Variants in TRIP12 observed in about 807,000 individuals in gnomAD.
TRIP12 encodes the protein E3 ubiquitin-protein ligase TRIP12.
TRIP12 carries 25 observed loss-of-function variants against 244.2 expected under a neutral mutation model. That is an observed-to-expected ratio of 0.10 (90% CI 0.07 to 0.14). The LOEUF is 0.14. TRIP12 is among the 10% of genes least tolerant of loss of function. The pLI is 1.00. For missense variants in TRIP12, 1,677 were observed against 2,486.4 expected, an observed-to-expected ratio of 0.67 and a Z score of 6.92; for synonymous variants, 905 against 873.1, an observed-to-expected ratio of 1.04 and a Z score of -0.64.
chr2:229,914,708 A>C (rs2075043853), intron 1 of TRIP12, among the ~76,000 whole-genome samples: 1 of 152,186 alleles, frequency 6.6e-6, no homozygotes, highest in Non-Finnish European at 1.5e-5. Flanking sequence ...GGAGTTTTGA[A>C]GTCAGGGTAG....
intron 5 of TRIP12, among the ~76,000 whole-genome samples, chr2:229,838,343 G>A (rs2055377567): frequency 6.6e-6 from 1 of 152,158 alleles, no homozygotes; most frequent in African/African-American, 2.4e-5. Context: ...TAGGGCTGCT[G>A]CCCTCAAGGA....
intron 4 of TRIP12, among the ~76,000 whole-genome samples, chr2:229,847,528 T>A (rs1392416463): frequency 2.6e-5 from 4 of 152,164 alleles, no homozygotes; most frequent in African/African-American, 7.2e-5. Flanking sequence ...TCTACAAGGA[T>A]GAGAAGAATG....
intron 8 of TRIP12, among the ~76,000 whole-genome samples, chr2:229,824,134 G>C (rs1380122914): frequency 2.0e-5 from 3 of 152,154 alleles, no homozygotes; most frequent in Non-Finnish European, 2.9e-5. Context: ...ATAAACTGTT[G>C]TAAGGTTCTT....
In TRIP12 at chr2:229,883,101, G is replaced by A. The variant is rs78629073; in HGVS notation, c.-49-2973C>T. On this transcript the variant is annotated intron_variant, in intron 1 of 41. Transcript: ENST00000675903. ...TGCCAGGTATCAATAAAACCAGAGG[G>A]CTGGAAGGGACCCTCGGAGATGATC... is the stretch of plus-strand genomic sequence containing the variant. 2.3e-3 allele frequency among the ~76,000 whole-genome samples: 357 copies of A among 152,296 alleles called. 1 individual carries two copies. Among genetic ancestry groups the A allele is most frequent in the African/African-American group, 8.0e-3 (332 of 41,558 alleles).
chr2:229,789,143 C>G (rs183532501), intron 31 of TRIP12, among the ~76,000 whole-genome samples: 1 of 152,134 alleles, frequency 6.6e-6, no homozygotes, highest in Non-Finnish European at 1.5e-5. Flanking sequence ...TCACACATAC[C>G]CCTTGCCACT....
At chr2:229,828,204 C>T (rs142267297) in intron 8 of TRIP12, among the ~76,000 whole-genome samples, 1 of 152,158 alleles carries the variant, frequency 6.6e-6, no homozygotes, top group African/African-American at 2.4e-5. Context: ...GTCATGGGCA[C>T]AAAGAGGTGT....
At position 229,880,085 on chromosome 2, in the gene TRIP12, C is replaced by T; in HGVS notation, c.-6G>A. The T allele has an allele frequency of 6.2e-7, 1 of 1,613,884 alleles. No homozygotes were observed. Among genetic ancestry groups the T allele is most frequent in the Non-Finnish European group, 8.5e-7 (1 of 1,179,910 alleles). On this transcript the variant is annotated 5_prime_UTR_variant, in exon 2 of 42. It adds an upstream start codon to the 5' untranslated region. Transcript: ENST00000675903. Reference sequence around the variant, plus strand: ...TTATTAGGCCGGTTGGACATTGGCACCTCTCTCTTGAAGGGACATACCCTT... The same window carrying T: ...TTATTAGGCCGGTTGGACATTGGCATCTCTCTCTTGAAGGGACATACCCTT...
At chr2:229,839,183 C>T (rs1389197751) in intron 5 of TRIP12, among the ~76,000 whole-genome samples, 3 of 152,168 alleles carry the variant, frequency 2.0e-5, no homozygotes, top group African/African-American at 4.8e-5. Flanking sequence ...TGCATAAATG[C>T]TTGCCATGGT....
intron 13 of TRIP12, 44 bp from the exon 14 acceptor site, chr2:229,811,248 A>G: frequency 6.4e-7 from 1 of 1,565,010 alleles, no homozygotes; most frequent in Non-Finnish European, 8.7e-7. Flanking sequence ...AGCATAAAGC[A>G]TTTTCACTGT....
At chr2:229,847,098 GAATAT>G (rs1214440809) in intron 4 of TRIP12, among the ~76,000 whole-genome samples, 1 of 152,138 alleles carries the variant, frequency 6.6e-6, no homozygotes, top group Non-Finnish European at 1.5e-5. Flanking sequence ...TATCTAAAAA[GAATAT>G]AACCAGTGAC....
upstream of TRIP12, chr2:229,922,411 A>T: frequency 9.2e-7 from 1 of 1,081,194 alleles, no homozygotes. Flanking sequence ...TCCTTCTGCC[A>T]GCTCATAAGC....
At chr2:229,770,669 C>T (rs1163900455) in intron 39 of TRIP12, among the ~76,000 whole-genome samples, 1 of 152,158 alleles carries the variant, frequency 6.6e-6, no homozygotes, top group Non-Finnish European at 1.5e-5. Context: ...TGTGCCCCTA[C>T]CCCAAATCTC....
intron 1 of TRIP12, among the ~76,000 whole-genome samples, chr2:229,919,488 G>T (rs1347031051): frequency 6.6e-6 from 1 of 151,694 alleles, no homozygotes; most frequent in Admixed American, 6.6e-5. Flanking sequence ...ACTTTGCCAG[G>T]TGAAAGTACT....
intron 15 of TRIP12, among the ~76,000 whole-genome samples, chr2:229,809,581 A>C (rs1335492283): frequency 6.6e-6 from 1 of 152,192 alleles, no homozygotes; most frequent in Non-Finnish European, 1.5e-5. Flanking sequence ...ATGATTCAGG[A>C]AATGTTGGGA....
Position 229,771,399 on chromosome 2 carries a change from CT to C in TRIP12, c.5808+119del, listed in dbSNP as rs377240681. ...CTTGTCTTTCCCAAACATCCATCCC[CT>C]GCTATCTAACACCCATTTTTTTGTT... On this transcript the variant is annotated intron_variant, in intron 39 of 41. Transcript: ENST00000675903. 2.3e-4 allele frequency: 165 copies of C among 702,900 alleles called. No individual in the cohort carries two copies. In the East Asian group the frequency reaches 4.7e-3, roughly 20 times the overall value. The allele number at this position is 702,900 out of a possible 1,614,324, so 43.5% of individuals were successfully genotyped here.
At chr2:229,837,898 T>C (rs866008432) in intron 5 of TRIP12, among the ~76,000 whole-genome samples, 1 of 152,320 alleles carries the variant, frequency 6.6e-6, no homozygotes, top group South Asian at 2.1e-4. Flanking sequence ...GAAAATTACA[T>C]TTTATTGATA....
At chr2:229,867,319 C>A (rs1033875338) in intron 2 of TRIP12, among the ~76,000 whole-genome samples, 1 of 151,792 alleles carries the variant, frequency 6.6e-6, no homozygotes, top group Non-Finnish European at 1.5e-5. Flanking sequence ...GTGCCTGCCA[C>A]CATGCCTGGC....
At chr2:229,880,321 G>T (rs757759199) in intron 1 of TRIP12, among the ~76,000 whole-genome samples, 193 bp from the exon 2 acceptor site, 31 of 152,164 alleles carry the variant, frequency 2.0e-4, no homozygotes, top group Non-Finnish European at 4.3e-4. Flanking sequence ...CAGGGTACGT[G>T]TAACATATTC....
chr2:229,792,917 G>A, intron 27 of TRIP12, 56 bp downstream of exon 27: 1 of 1,528,200 alleles, frequency 6.5e-7, no homozygotes, highest in Non-Finnish European at 8.9e-7. Flanking sequence ...AACTCTTAAT[G>A]TAAATTTCTC....
Sources: gnomAD v4.1 joint callset for allele counts (sites outside exome capture counted in the v4.1 genomes callset) on GRCh38, gnomAD v4.1.1 for gene constraint, MANE v1.5 for transcripts, NCBI Gene and HGNC (gene_info 2026-07-23, HGNC 2026-07-21) for gene names.